LDLRAD4: variants seen among roughly 807,000 people sequenced by gnomAD.
LDLRAD4 encodes the protein low density lipoprotein receptor class A domain containing 4, also known as low-density lipoprotein receptor class A domain-containing protein 4.
Under a neutral mutation model 17.0 loss-of-function variants are expected in LDLRAD4, and 5 were observed. The ratio of observed to expected loss-of-function variants is 0.29; its 90% CI spans 0.15 to 0.62. The LOEUF (loss-of-function observed/expected upper bound fraction) is 0.62, where lower values mean the gene tolerates loss of function less well. Among genes scored for constraint, LDLRAD4 ranks in the 20% least tolerant of loss-of-function variants. The probability of loss-of-function intolerance (pLI) is 0.84; values close to 1 mark genes in which losing one functional copy is unlikely to be tolerated. For synonymous variants in LDLRAD4, 168 were observed against 171.8 expected (o/e 0.98, Z 0.17); for missense variants, 340 against 424.7 (o/e 0.80, Z 1.75).
Position 13,490,562 on chromosome 18 carries a change from A to G in LDLRAD4, c.181+52178A>G, listed in dbSNP as rs972261250. ...TTTTGTGAGGTTTTTATTTCAAAAT[A>G]TCACAGTCCAAGCCAAAAAATATAC... On this transcript the variant is annotated intron_variant, in intron 3 of 5. Coordinates refer to ENST00000359446, the Ensembl canonical transcript of LDLRAD4. The G allele has an allele frequency of 6.6e-5, 10 of 152,330 alleles. 1 individual carries two copies. The highest frequency in any genetic ancestry group is 6.5e-4 in the Admixed American group (10 of 15,302). 9.4% of individuals were successfully genotyped at this position (152,330 alleles called of 1,614,324 possible).
intron 1 of LDLRAD4, among the ~76,000 whole-genome samples, chr18:13,354,499 A>G (rs1388638664): frequency 6.6e-6 from 1 of 152,180 alleles, no homozygotes; most frequent in Non-Finnish European, 1.5e-5. Context: ...GGCTACTGTG[A>G]TTAGAAATTA....
intron 1 of LDLRAD4, among the ~76,000 whole-genome samples, chr18:13,348,972 C>T (rs1395502770): frequency 6.6e-6 from 1 of 152,214 alleles, no homozygotes; most frequent in Admixed American, 6.5e-5. Context: ...TGCCATCTGT[C>T]ACCCCTTTCC....
At chr18:13,549,800 C>T (rs954006422) in intron 3 of LDLRAD4, among the ~76,000 whole-genome samples, 1 of 152,070 alleles carries the variant, frequency 6.6e-6, no homozygotes, top group Admixed American at 6.5e-5. Context: ...GGTTGTCTTG[C>T]TTCCTTGTTT....
At chr18:13,523,156 G>C (rs1392347890) in intron 3 of LDLRAD4, among the ~76,000 whole-genome samples, 1 of 152,232 alleles carries the variant, frequency 6.6e-6, no homozygotes, top group African/African-American at 2.4e-5. Flanking sequence ...CACACCCTGG[G>C]TGGTCTCCTT....
intron 1 of LDLRAD4, among the ~76,000 whole-genome samples, chr18:13,371,834 T>G (rs1414985286): frequency 6.6e-6 from 1 of 152,096 alleles, no homozygotes; most frequent in Admixed American, 6.5e-5. Flanking sequence ...ACTGCTGAAT[T>G]TAGCAACAAA....
At chr18:13,557,408 C>CTT (rs369178377) in intron 3 of LDLRAD4, among the ~76,000 whole-genome samples, 1 of 149,124 alleles carries the variant, frequency 6.7e-6, no homozygotes, top group Non-Finnish European at 1.5e-5. Flanking sequence ...TAGACAAAGC[C>CTT]TTTTTTTTTT....
intron 1 of LDLRAD4, among the ~76,000 whole-genome samples, chr18:13,326,113 A>T (rs1045776449): frequency 6.6e-6 from 1 of 152,090 alleles, no homozygotes; most frequent in African/African-American, 2.4e-5. Flanking sequence ...AGCTGAGATG[A>T]GTGACTGAGG....
intron 2 of LDLRAD4, among the ~76,000 whole-genome samples, chr18:13,419,076 A>C (rs373219809): frequency 6.6e-6 from 1 of 152,186 alleles, no homozygotes; most frequent in Non-Finnish European, 1.5e-5. Context: ...CCTTAGGGCT[A>C]TATTTATAGA....
chr18:13,381,420 C>CA (rs1270166234), intron 1 of LDLRAD4, among the ~76,000 whole-genome samples: 2 of 152,062 alleles, frequency 1.3e-5, no homozygotes, highest in African/African-American at 4.8e-5. Context: ...GAGACATGGC[C>CA]ATAGGGGACT....
intron 1 of LDLRAD4, among the ~76,000 whole-genome samples, chr18:13,326,949 A>G (rs1408041854): frequency 2.0e-5 from 3 of 152,182 alleles, no homozygotes; most frequent in African/African-American, 4.8e-5. Context: ...AGTGTAAAAT[A>G]GCAGGTGCTG....
At chr18:13,608,636 G>A (rs1333795233) in intron 3 of LDLRAD4, among the ~76,000 whole-genome samples, 1 of 152,134 alleles carries the variant, frequency 6.6e-6, no homozygotes, top group Admixed American at 6.5e-5. Context: ...ATTCAGGACA[G>A]CAAGGTTCCA....
At chr18:13,369,151 C>T (rs370067605) in intron 1 of LDLRAD4, among the ~76,000 whole-genome samples, 5 of 152,190 alleles carry the variant, frequency 3.3e-5, no homozygotes, top group South Asian at 2.1e-4. Flanking sequence ...AGGCTGAGGC[C>T]GGGCTCACAG....
chr18:13,564,140 C>CA (rs1384743915), intron 3 of LDLRAD4, among the ~76,000 whole-genome samples: 2 of 152,168 alleles, frequency 1.3e-5, no homozygotes, highest in African/African-American at 4.8e-5. Context: ...TCCTGGCCTC[C>CA]CAAATTGTTG....
intron 1 of LDLRAD4, among the ~76,000 whole-genome samples, chr18:13,251,500 G>C (rs2043219279): frequency 6.6e-6 from 1 of 152,162 alleles, no homozygotes; most frequent in Admixed American, 6.5e-5. Flanking sequence ...AAAGCTCTTA[G>C]AACTGGTAAA....
rs71366054 is a variant in LDLRAD4 at position 13,473,636 on chromosome 18, CATATATATATATATATAT to C, written c.181+35278_181+35295del. 8.5e-3 allele frequency among the ~76,000 whole-genome samples: 243 copies of C among 28,754 alleles called. 2 individuals carry two copies. Among genetic ancestry groups the C allele is most frequent in the African/African-American group, 0.038 (224 of 5,952 alleles). 18.9% of individuals were successfully genotyped at this position (28,754 alleles called of 152,430 possible). A position where few individuals can be genotyped will look rare whatever the true frequency, so the allele number is the denominator to read the frequency against. ...TGGGCAGCACAGTAAGATCCCATCTCATATATATATATATATATATATATATATATATATATATATATA... is the reference window on the plus strand; with the variant it reads ...TGGGCAGCACAGTAAGATCCCATCTCATATATATATATATATATATATATA... On this transcript the variant is annotated intron_variant, in intron 3 of 5. Transcript: ENST00000359446.
In LDLRAD4 at chr18:13,315,276, C is replaced by T. The variant is rs146293913; in HGVS notation, c.-383+37088C>T. Among the ~76,000 whole-genome samples, 71 of 152,286 alleles carry T rather than the reference C, an allele frequency of 4.7e-4. 2 individuals carry two copies. The East Asian group carries it at 0.012, about 26-fold the overall frequency. The stretch of plus-strand genomic sequence containing the variant: ...GCTCTCTGAAGGATGATAACATTGG[C>T]CAGGGCCTCCAGTTCTCCTGTTAGT... On this transcript the variant is annotated intron_variant, in intron 1 of 5. Transcript: ENST00000359446.
intron 3 of LDLRAD4, among the ~76,000 whole-genome samples, chr18:13,507,344 A>G (rs140458095): frequency 2.6e-5 from 4 of 152,244 alleles, no homozygotes; most frequent in African/African-American, 9.6e-5. Flanking sequence ...CGAAGTCCCC[A>G]TAGTCCATTA....
chr18:13,526,903 T>G lies in LDLRAD4; in HGVS notation c.181+88519T>G, dbSNP rs1437967581. On this transcript the variant is annotated intron_variant, in intron 3 of 5. Transcript: ENST00000359446. ...TCCCCTTCTCTTCCTCCCTTCCTCC[T>G]TCCCTCACTTCCTTCCCTGAGTGGT... Among the ~76,000 whole-genome samples the G allele has an allele frequency of 3.9e-5, 6 of 152,174 alleles. No homozygotes were observed. The East Asian group carries it at 1.2e-3, about 29-fold the overall frequency.
At chr18:13,305,548 C>T (rs1463670325) in intron 1 of LDLRAD4, among the ~76,000 whole-genome samples, 4 of 152,288 alleles carry the variant, frequency 2.6e-5, no homozygotes, top group South Asian at 2.1e-4. Flanking sequence ...CCATAAGCCT[C>T]GAAGAGCAAC....
Sources: gnomAD v4.1 joint callset for allele counts (sites outside exome capture counted in the v4.1 genomes callset) on GRCh38, gnomAD v4.1.1 for gene constraint, MANE v1.5 for transcripts, NCBI Gene and HGNC (gene_info 2026-07-23, HGNC 2026-07-21) for gene names.